NOMO3: variants seen among roughly 807,000 people sequenced by gnomAD.
NOMO3 encodes the protein BOS complex subunit NOMO3.
A neutral mutation model predicts 69.9 loss-of-function variants in NOMO3; 15 were observed. That is an observed-to-expected ratio of 0.21 (90% CI 0.14 to 0.33). The LOEUF is 0.33. Among genes scored for constraint, NOMO3 ranks in the 10% least tolerant of loss-of-function variants. The pLI, the probability that NOMO3 is intolerant of heterozygous loss-of-function variation, is 1.00. For synonymous variants in NOMO3, 89 were observed against 301.9 expected, an observed-to-expected ratio of 0.29 and a Z score of 7.31; for missense variants, 218 against 761.0, an observed-to-expected ratio of 0.29 and a Z score of 8.39.
At chr16:16,236,343 C>G (rs1002616688) in intron 1 of NOMO3, among the ~76,000 whole-genome samples, 1 of 142,482 alleles carries the variant, frequency 7.0e-6, no homozygotes, top group Non-Finnish European at 1.5e-5. Flanking sequence ...CTCCTGAGTT[C>G]AAACAATTTT....
At chr16:16,254,177 C>T (rs1238357314) in intron 9 of NOMO3, among the ~76,000 whole-genome samples, 34 of 141,688 alleles carry the variant, frequency 2.4e-4, no homozygotes, top group African/African-American at 9.3e-4. Context: ...AGGATGGGGG[C>T]AGGTGAGCAG....
intron 3 of NOMO3, among the ~76,000 whole-genome samples, chr16:16,242,850 C>T (rs1482711222): frequency 1.4e-5 from 2 of 142,928 alleles, no homozygotes; most frequent in Non-Finnish European, 3.0e-5. Flanking sequence ...ATTTGGTGCT[C>T]ACTGAATTTT....
intron 12 of NOMO3, among the ~76,000 whole-genome samples, chr16:16,262,460 G>A (rs1475741046): frequency 1.4e-5 from 2 of 138,944 alleles, no homozygotes. Context: ...ACAGCGTGGT[G>A]TGTGGGTTGA....
In NOMO3 at chr16:16,263,056, C is replaced by T; in HGVS notation, c.1396-18C>T. ...CTCCCCGAATGCAGCCTCTAACGTT[C>T]CATCCACGTTTCCGCAGGTGATGGT... On this transcript the variant is annotated intron_variant, in intron 12 of 30. Coordinates refer to ENST00000399336, the MANE Select transcript of NOMO3 (RefSeq NM_001004067.4). 6.3e-7 allele frequency: 1 copy of T among 1,594,370 alleles called. No homozygotes were observed. The highest frequency in any genetic ancestry group is 8.5e-7 in the Non-Finnish European group (1 of 1,177,518).
At chr16:16,249,380 G>C (rs1282849243) in intron 6 of NOMO3, among the ~76,000 whole-genome samples, 1 of 143,826 alleles carries the variant, frequency 7.0e-6, no homozygotes, top group Non-Finnish European at 1.5e-5. Flanking sequence ...AGGAGTTCGA[G>C]ACCAACCTGG....
At chr16:16,259,551 G>A (rs1254178030) in intron 11 of NOMO3, among the ~76,000 whole-genome samples, 3 of 111,922 alleles carry the variant, frequency 2.7e-5, no homozygotes, top group Non-Finnish European at 5.0e-5. Flanking sequence ...GGCTGGTCTC[G>A]AACTCCTGAC....
intron 4 of NOMO3, among the ~76,000 whole-genome samples, chr16:16,243,583 A>G (rs2049391922): frequency 7.1e-6 from 1 of 141,728 alleles, no homozygotes; most frequent in Admixed American, 6.8e-5. Flanking sequence ...ATCTTGACTC[A>G]CTGCAGCCTC....
rs1194881152 is a variant in NOMO3, at chr16:16,258,295, G to A, written c.1220+2137G>A. Among the ~76,000 whole-genome samples the A allele has an allele frequency of 1.5e-5, 2 of 134,454 alleles. 1 individual carries two copies. Among genetic ancestry groups the A allele is most frequent in the East Asian group, 5.0e-4 (2 of 4,014 alleles). The allele number at this position is 134,454 out of a possible 152,430, so 88.2% of individuals were successfully genotyped here. ...TAAATTATGGCAAATGTTGTGCAGG[G>A]AAGAGATCAGGGTGCTGCAAGAAGA... On this transcript the variant is annotated intron_variant, in intron 11 of 30. Coordinates refer to ENST00000399336, the MANE Select transcript of NOMO3 (RefSeq NM_001004067.4).
At chr16:16,269,038 G>T (rs1485599432) in intron 16 of NOMO3, among the ~76,000 whole-genome samples, 1 of 140,858 alleles carries the variant, frequency 7.1e-6, no homozygotes, top group Non-Finnish European at 1.5e-5. Context: ...AGGCAGGAAG[G>T]ATGCCTGTTG....
At chr16:16,234,164 T>TG (rs1038631143) in intron 1 of NOMO3, among the ~76,000 whole-genome samples, 2 of 151,914 alleles carry the variant, frequency 1.3e-5, no homozygotes, top group Non-Finnish European at 2.9e-5. Flanking sequence ...TACATGTTTC[T>TG]GGGTGCCCAT....
chr16:16,261,365 G>A, intron 11 of NOMO3, 137 bp from the exon 12 acceptor site: 1 of 1,407,038 alleles, frequency 7.1e-7, no homozygotes, highest in Non-Finnish European at 9.5e-7. Context: ...CATCTGGATT[G>A]CATTCTGTCT....
rs1432341628 is a variant in NOMO3, at chr16:16,232,592, A to G, written c.-75A>G. ...GGCTGTCAGCCGGCCTAGGAGGAGG[A>G]AGGAGCCTGCGGCGTGCAGTGTGAG... On this transcript the variant is annotated 5_prime_UTR_variant, in exon 1 of 31. Transcript: ENST00000399336. 3.2e-6 allele frequency: 2 copies of G among 620,884 alleles called. No homozygotes were observed. The highest frequency in any genetic ancestry group is 4.7e-6 in the Non-Finnish European group (2 of 427,272). The allele number at this position is 620,884 out of a possible 1,614,324, so 38.5% of individuals were successfully genotyped here.
At chr16:16,232,979 T>C (rs2049295374) in intron 1 of NOMO3, 148 bp downstream of exon 1, 1 of 37,988 alleles carries the variant, frequency 2.6e-5, no homozygotes. Flanking sequence ...GCGGGCTCCC[T>C]GCAGCCCCTC....
At chr16:16,251,766 G>A (rs2049464820) in intron 7 of NOMO3, 197 bp from the exon 8 acceptor site, 1 of 474,642 alleles carries the variant, frequency 2.1e-6, no homozygotes, top group South Asian at 2.7e-5. Context: ...TTCCCGGGAA[G>A]ACTGTGCCAG....
chr16:16,244,479 A>G (rs2049400597), intron 4 of NOMO3, among the ~76,000 whole-genome samples: 2 of 96,338 alleles, frequency 2.1e-5, no homozygotes, highest in South Asian at 7.5e-4. Flanking sequence ...TGACCCAGCT[A>G]ATTTTTATAT....
chr16:16,232,821 C>G lies in NOMO3; in HGVS notation c.155C>G (p.Ser52Cys), dbSNP rs2049293767. Reference sequence around the variant, plus strand: ...AAGTCGGACGTGGAGATCAACTACTCTCTCATCGAGGTGAGCGCCCGCCCC... The same window carrying G: ...AAGTCGGACGTGGAGATCAACTACTGTCTCATCGAGGTGAGCGCCCGCCCC... ...FVKSDVEINY[S>C]LIEIKLYTKH... The change falls in exon 1 of 31, where the codon TCT (serine) becomes TGT (cysteine). Residue 52 changes from serine (S) to cysteine (C), a missense_variant. By Grantham distance (112) the Ser-to-Cys change is moderately radical (BLOSUM62 -1). Transcript: ENST00000399336. The G allele has an allele frequency of 2.2e-6, 1 of 451,298 alleles. No individual in the cohort carries two copies. Among genetic ancestry groups the G allele is most frequent in the Non-Finnish European group, 3.1e-6 (1 of 321,368 alleles). The allele number at this position is 451,298 out of a possible 1,614,324, so 28.0% of individuals were successfully genotyped here.
intron 2 of NOMO3, among the ~76,000 whole-genome samples, chr16:16,239,336 T>C (rs2049356711): frequency 7.0e-6 from 1 of 142,886 alleles, no homozygotes; most frequent in South Asian, 2.2e-4. Context: ...GAACATTTTT[T>C]GTACAGATGG....
In NOMO3 at chr16:16,265,177, C is replaced by G; in HGVS notation, c.1804C>G (p.Leu602Val). The change falls in exon 15 of 31, where the codon CTG becomes GTG. Residue 602 changes from leucine to valine, a missense_variant and splice_region_variant. Leu to Val is a conservative substitution (Grantham distance 32, BLOSUM62 1). Coordinates refer to ENST00000399336, the MANE Select transcript of NOMO3 (RefSeq NM_001004067.4). Reference protein sequence around the residue: ...LRCSLSHAITLEFYQDGNGRE... With the variant: ...LRCSLSHAITVEFYQDGNGRE... ...ATGTTCCCTGTCTCACGCCATCACT[C>G]TGGTATGTACGGCTTATGGAGTCTC... 1 of 1,587,450 alleles carries G rather than the reference C, an allele frequency of 6.3e-7. No individual in the cohort carries two copies. The highest frequency in any genetic ancestry group is 8.5e-7 in the Non-Finnish European group (1 of 1,177,668).
intron 5 of NOMO3, among the ~76,000 whole-genome samples, chr16:16,245,561 T>C (rs62032161): frequency 0.98 from 126,881 of 129,472 alleles, 62,746 homozygotes; most frequent in Middle Eastern, 1. Context: ...TAGAGTCCCA[T>C]GGGGGAAGAA....
Sources: gnomAD v4.1 joint callset for allele counts (sites outside exome capture counted in the v4.1 genomes callset) on GRCh38, gnomAD v4.1.1 for gene constraint, MANE v1.5 for transcripts, NCBI Gene and HGNC (gene_info 2026-07-23, HGNC 2026-07-21) for gene names.